Variants in EPC1 observed in about 807,000 individuals in gnomAD.
EPC1 encodes enhancer of polycomb 1, also known as enhancer of polycomb homolog 1.
Under a neutral mutation model 98.4 loss-of-function variants are expected in EPC1, and 12 were observed. The ratio of observed to expected loss-of-function variants is 0.12; its 90% confidence interval spans 0.08 to 0.20. The LOEUF (loss-of-function observed/expected upper bound fraction) is 0.20. Among genes scored for constraint, EPC1 ranks in the 10% least tolerant of loss-of-function variants. EPC1 has a pLI of 1.00. For missense variants in EPC1, 729 were observed against 990.5 expected, an observed-to-expected ratio of 0.74 and a Z score of 3.54; for synonymous variants, 357 against 363.9, an observed-to-expected ratio of 0.98 and a Z score of 0.21.
At chr10:32,278,781 T>C (rs950542227) in intron 10 of EPC1, among the ~76,000 whole-genome samples, 5 of 152,146 alleles carry the variant, frequency 3.3e-5, no homozygotes, top group Admixed American at 2.6e-4. Context: ...ATTAGTGAGA[T>C]TGAGTTGACA....
chr10:32,335,572 TTTC>T (rs766308044), intron 1 of EPC1, among the ~76,000 whole-genome samples: 3 of 152,072 alleles, frequency 2.0e-5, no homozygotes, highest in Non-Finnish European at 4.4e-5. Flanking sequence ...TTCTATCCCA[TTTC>T]TTCTTTGTTG....
Position 32,293,744 on chromosome 10 carries a change from G to A in EPC1, c.314-7C>T. 1 of 1,608,352 alleles carries A rather than the reference G, an allele frequency of 6.2e-7. No homozygotes were observed. ...TCAGCATCCAAACTAAAAGCTGACA[G>A]AAGGAACCATATGCAATCATTTACT... On this transcript the variant is annotated splice_polypyrimidine_tract_variant and splice_region_variant and intron_variant, in intron 2 of 13. Transcript: ENST00000319778.
At chr10:32,353,015 C>G (rs895907232) in intron 1 of EPC1, among the ~76,000 whole-genome samples, 4 of 152,002 alleles carry the variant, frequency 2.6e-5, no homozygotes, top group Non-Finnish European at 4.4e-5. Flanking sequence ...ATTAGCTGGG[C>G]GTGGTGGCAC....
intron 1 of EPC1, among the ~76,000 whole-genome samples, chr10:32,354,127 T>G (rs1839202720): frequency 6.6e-6 from 1 of 152,182 alleles, no homozygotes; most frequent in Non-Finnish European, 1.5e-5. Flanking sequence ...ATAAAATCAT[T>G]CAGAATATAT....
intron 1 of EPC1, among the ~76,000 whole-genome samples, chr10:32,322,177 T>C (rs1450003560): frequency 6.6e-6 from 1 of 151,244 alleles, no homozygotes; most frequent in African/African-American, 2.4e-5. Flanking sequence ...TAGCCTTACA[T>C]GTATCGCAGT....
At chr10:32,279,242 G>A (rs1467949948) in intron 10 of EPC1, among the ~76,000 whole-genome samples, 2 of 151,926 alleles carry the variant, frequency 1.3e-5, no homozygotes, top group African/African-American at 4.8e-5. Flanking sequence ...CCAGCTACTC[G>A]GGAGGCTGAG....
chr10:32,322,761 A>T (rs1837006451), intron 1 of EPC1, among the ~76,000 whole-genome samples: 1 of 152,198 alleles, frequency 6.6e-6, no homozygotes, highest in Admixed American at 6.5e-5. Flanking sequence ...GGGAGCTAAA[A>T]AAACAAACCA....
intron 1 of EPC1, among the ~76,000 whole-genome samples, chr10:32,357,038 C>T (rs118063237): frequency 3.9e-5 from 6 of 152,086 alleles, no homozygotes; most frequent in Non-Finnish European, 7.4e-5. Flanking sequence ...TTCCCAGTAC[C>T]CTCCTATAAT....
At chr10:32,282,106 A>T (rs1222897762) in intron 10 of EPC1, 2 of 152,254 alleles carry the variant, frequency 1.3e-5, no homozygotes, top group Admixed American at 1.3e-4. Context: ...CACAAATATA[A>T]ATGAACAGTG....
intron 6 of EPC1, among the ~76,000 whole-genome samples, chr10:32,290,842 T>C (rs1188638406): frequency 9.2e-5 from 14 of 151,976 alleles, no homozygotes. Context: ...TGGTGTGATC[T>C]TGGCTCACTG....
intron 1 of EPC1, among the ~76,000 whole-genome samples, chr10:32,337,543 C>G (rs1255113625): frequency 6.6e-6 from 1 of 152,212 alleles, no homozygotes; most frequent in Admixed American, 6.5e-5. Context: ...GCTGCCACAT[C>G]TGTTTGGAAT....
At chr10:32,350,253 C>G (rs1839073727), upstream of EPC1, among the ~76,000 whole-genome samples, 1 of 152,194 alleles carries the variant, frequency 6.6e-6, no homozygotes, top group Non-Finnish European at 1.5e-5. Flanking sequence ...CCAGGTAACA[C>G]ACAGTACTGT....
At chr10:32,339,448 G>A (rs1356412193) in intron 1 of EPC1, among the ~76,000 whole-genome samples, 1 of 152,122 alleles carries the variant, frequency 6.6e-6, no homozygotes, top group Non-Finnish European at 1.5e-5. Context: ...AGGAGGCTGA[G>A]GCACGAGAAT....
At chr10:32,350,338 T>C (rs1015681093), upstream of EPC1, among the ~76,000 whole-genome samples, 7 of 152,190 alleles carry the variant, frequency 4.6e-5, no homozygotes, top group African/African-American at 1.7e-4. Flanking sequence ...TATAATGAAA[T>C]GCAGTGGCTA....
At chr10:32,300,120 C>T (rs894531151) in intron 2 of EPC1, among the ~76,000 whole-genome samples, 1 of 152,094 alleles carries the variant, frequency 6.6e-6, no homozygotes, top group Non-Finnish European at 1.5e-5. Flanking sequence ...ACTGTGTTAG[C>T]TAGGATGGTC....
chr10:32,364,934 C>A (rs1031291175), intron 1 of EPC1, among the ~76,000 whole-genome samples: 1 of 146,770 alleles, frequency 6.8e-6, no homozygotes, highest in Non-Finnish European at 1.5e-5. Flanking sequence ...TTTAGCTCAT[C>A]GGCTATCGTT....
At chr10:32,369,746 C>T (rs1202473850) in intron 1 of EPC1, among the ~76,000 whole-genome samples, 3 of 152,148 alleles carry the variant, frequency 2.0e-5, no homozygotes, top group East Asian at 3.9e-4. Flanking sequence ...AGAATTCTTA[C>T]TAAGTTTATG....
intron 10 of EPC1, among the ~76,000 whole-genome samples, chr10:32,277,865 C>T (rs530382886): frequency 7.9e-5 from 12 of 151,258 alleles, no homozygotes; most frequent in African/African-American, 1.7e-4. Context: ...CCACTGCGCC[C>T]GGCCTAAGAC....
intron 1 of EPC1, among the ~76,000 whole-genome samples, chr10:32,329,616 T>C (rs1472219990): frequency 6.6e-6 from 1 of 152,214 alleles, no homozygotes; most frequent in Non-Finnish European, 1.5e-5. Context: ...CATATAACTC[T>C]AAATTACAAT....
Sources: allele counts gnomAD v4.1 joint callset (sites outside exome capture counted in the v4.1 genomes callset), GRCh38; gene constraint gnomAD v4.1.1; transcripts MANE v1.5; gene names NCBI Gene and HGNC (gene_info 2026-07-23, HGNC 2026-07-21).